The following ANK3 variants were observed in gnomAD, a reference collection of about 807,000 sequenced individuals.
ANK3 encodes ankyrin 3.
In ANK3, 57 loss-of-function variants were observed where a neutral mutation model predicts 370.9. The observed-to-expected ratio is 0.15, with a 90% CI of 0.12 to 0.19. The LOEUF is 0.19. Among genes scored for constraint, ANK3 ranks in the 10% least tolerant of loss-of-function variants. The pLI, the probability that ANK3 is intolerant of heterozygous loss-of-function variation, is 1.00. For missense variants in ANK3, 4,439 were observed against 5,302.1 expected (o/e 0.84, Z 5.06); for synonymous variants, 1,929 against 1,946.3 (o/e 0.99, Z 0.23).
intron 1 of ANK3, among the ~76,000 whole-genome samples, chr10:60,656,001 T>C (rs181449931): frequency 6.5e-4 from 99 of 152,312 alleles, no homozygotes; most frequent in African/African-American, 2.3e-3. Flanking sequence ...GACTATGCCA[T>C]CTAGGTCTGT....
chr10:60,064,374 AG>A (rs1356919849), intron 38 of ANK3, 86 bp from the exon 39 acceptor site: 127 of 1,359,434 alleles, frequency 9.3e-5, no homozygotes, highest in Non-Finnish European at 1.1e-4. Flanking sequence ...TGCCACAAAA[AG>A]AAAAGGGAAT....
At chr10:60,646,165 AG>A (rs543037067) in intron 1 of ANK3, among the ~76,000 whole-genome samples, 189 of 152,200 alleles carry the variant, frequency 1.2e-3, no homozygotes, top group African/African-American at 4.2e-3. Flanking sequence ...ATGAAAAAAA[AG>A]AAAAAAAAAG....
chr10:60,038,931 C>CTGA (rs1234427433), intron 43 of ANK3, among the ~76,000 whole-genome samples: 2 of 152,204 alleles, frequency 1.3e-5, no homozygotes, highest in Non-Finnish European at 2.9e-5. Flanking sequence ...ATTGGTGCCA[C>CTGA]TGATGAGGTC....
In ANK3 at chr10:60,476,126, A is replaced by T. The variant is rs189214425; in HGVS notation, c.96+139060T>A. ...ATGAAGTCATACCTACATGTTTGTT[A>T]TGAATCTGGTAACTGGGATCTCAGA... On this transcript the variant is annotated intron_variant, in intron 2 of 43. Coordinates refer to the ANK3 transcript ENST00000373827. 1.9e-3 allele frequency among the ~76,000 whole-genome samples: 291 copies of T among 152,326 alleles called. 2 individuals carry two copies. The highest frequency in any genetic ancestry group is 6.6e-3 in the African/African-American group (276 of 41,586).
At chr10:60,314,135 T>C (rs897024023) in intron 1 of ANK3, among the ~76,000 whole-genome samples, 1 of 152,222 alleles carries the variant, frequency 6.6e-6, no homozygotes, top group Non-Finnish European at 1.5e-5. Context: ...GATGATATTT[T>C]GAGAGAATCA....
chr10:60,615,385 T>C (rs1159239084), intron 1 of ANK3, among the ~76,000 whole-genome samples: 2 of 147,278 alleles, frequency 1.4e-5, no homozygotes, highest in Non-Finnish European at 3.0e-5. Flanking sequence ...AGATGAATTC[T>C]AGTTTAAAAA....
At chr10:60,140,881 G>A (rs557780865) in intron 23 of ANK3, 2 of 986,472 alleles carry the variant, frequency 2.0e-6, no homozygotes, top group South Asian at 4.7e-5. Context: ...CATTTAATTA[G>A]GAGGTGATTC....
chr10:60,273,321 G>C (rs1196392022), intron 4 of ANK3, among the ~76,000 whole-genome samples: 1 of 151,740 alleles, frequency 6.6e-6, no homozygotes, highest in East Asian at 1.9e-4. Context: ...CTTGTTTTTT[G>C]ATTTTTAAAA....
intron 1 of ANK3, among the ~76,000 whole-genome samples, chr10:60,333,294 C>G (rs1478622570): frequency 6.6e-6 from 1 of 152,012 alleles, no homozygotes; most frequent in East Asian, 1.9e-4. Flanking sequence ...TGCTCTCCCT[C>G]CCCTAGACCC....
intron 23 of ANK3, chr10:60,144,349 G>A (rs2132227662): frequency 3.6e-6 from 1 of 279,476 alleles, no homozygotes; most frequent in East Asian, 1.4e-4. Context: ...CATACACAAA[G>A]CCCAGGAGCA....
At chr10:60,135,406 T>A (rs2094293594) in intron 24 of ANK3, among the ~76,000 whole-genome samples, 1 of 152,244 alleles carries the variant, frequency 6.6e-6, no homozygotes, top group Non-Finnish European at 1.5e-5. Context: ...CTCCTTGGAA[T>A]AGAGCTGCAG....
intron 25 of ANK3, among the ~76,000 whole-genome samples, chr10:60,123,770 T>G (rs1009303436): frequency 2.0e-5 from 3 of 152,218 alleles, no homozygotes; most frequent in Non-Finnish European, 4.4e-5. Context: ...TCTGGGAGAT[T>G]GTAAATACAA....
chr10:60,502,770 A>G (rs1359168858), intron 2 of ANK3, among the ~76,000 whole-genome samples: 1 of 150,828 alleles, frequency 6.6e-6, no homozygotes, highest in Non-Finnish European at 1.5e-5. Context: ...GAAAGAAAAA[A>G]GAAAGAAAAG....
At chr10:60,435,189 G>A (rs995021814) in intron 2 of ANK3, among the ~76,000 whole-genome samples, 3 of 152,014 alleles carry the variant, frequency 2.0e-5, no homozygotes, top group East Asian at 1.9e-4. Flanking sequence ...TAGGATTACG[G>A]GTTGAATCTG....
chr10:60,290,012 C>T (rs1012095503), intron 1 of ANK3, among the ~76,000 whole-genome samples: 4 of 152,102 alleles, frequency 2.6e-5, no homozygotes, highest in African/African-American at 2.4e-5. Context: ...AGCTGAATCA[C>T]TGGGACACGG....
At chr10:60,402,440 T>C (rs2063370417) in intron 2 of ANK3, among the ~76,000 whole-genome samples, 1 of 152,194 alleles carries the variant, frequency 6.6e-6, no homozygotes, top group Non-Finnish European at 1.5e-5. Context: ...AACTGTTAAA[T>C]TCATAACAAA....
intron 24 of ANK3, among the ~76,000 whole-genome samples, chr10:60,136,037 T>C (rs1446478154): frequency 6.6e-5 from 10 of 151,874 alleles, no homozygotes; most frequent in African/African-American, 2.4e-4. Context: ...CACATGACTC[T>C]AGCCACTTGC....
intron 2 of ANK3, among the ~76,000 whole-genome samples, chr10:60,581,595 T>C (rs2077754144): frequency 6.7e-6 from 1 of 149,928 alleles, no homozygotes; most frequent in African/African-American, 2.5e-5. Flanking sequence ...TGGCTAATTA[T>C]TATTTTTTTT....
chr10:60,061,563 C>CA (rs1405438133), intron 40 of ANK3, among the ~76,000 whole-genome samples: 1 of 151,950 alleles, frequency 6.6e-6, no homozygotes, highest in African/African-American at 2.4e-5. Flanking sequence ...TTATCTAGTG[C>CA]AAAAAGCATG....
Sources: allele counts gnomAD v4.1 joint callset (sites outside exome capture counted in the v4.1 genomes callset), GRCh38; gene constraint gnomAD v4.1.1; transcripts MANE v1.5; gene names NCBI Gene and HGNC (gene_info 2026-07-23, HGNC 2026-07-21).